The following TENM3 variants were observed in gnomAD, a reference collection of about 807,000 sequenced individuals.
TENM3 encodes teneurin transmembrane protein 3.
TENM3 carries 63 observed loss-of-function variants against 255.1 expected under a neutral mutation model. The ratio of observed to expected loss-of-function variants is 0.25; its 90% CI spans 0.20 to 0.30. The LOEUF is 0.30. Among genes scored for constraint, TENM3 ranks in the 10% least tolerant of loss-of-function variants. The pLI, the probability that TENM3 is intolerant of heterozygous loss-of-function variation, is 1.00. For synonymous variants in TENM3, 1,306 were observed against 1,322.3 expected (o/e 0.99, Z 0.27); for missense variants, 2,929 against 3,461.1 (o/e 0.85, Z 3.86).
At chr4:181,604,134 G>A in the TENM3 span, among the ~76,000 whole-genome samples, 7 of 152,110 alleles carry the variant, frequency 4.6e-5, no homozygotes, top group East Asian at 1.9e-4. Flanking sequence ...GCGTGGTGGC[G>A]GGTGCCTGTA....
At chr4:182,391,751 T>G (rs552170640) in intron 3 of TENM3, among the ~76,000 whole-genome samples, 213 of 152,334 alleles carry the variant, frequency 1.4e-3, no homozygotes, top group Non-Finnish European at 2.5e-3. Flanking sequence ...AAGAAACAAT[T>G]GGCACTGGCC....
At chr4:182,517,834 C>T (rs1485313813) in intron 3 of TENM3, among the ~76,000 whole-genome samples, 3 of 152,184 alleles carry the variant, frequency 2.0e-5, no homozygotes, top group African/African-American at 7.2e-5. Context: ...TGCAAATACT[C>T]ATAGTACACT....
rs990655569 is a variant in TENM3 at position 182,789,549 on chromosome 4, A to G, written c.5601+160A>G. Among the ~76,000 whole-genome samples the G allele has an allele frequency of 6.6e-6, 1 of 152,210 alleles. No individual in the cohort carries two copies. The highest frequency in any genetic ancestry group is 2.4e-5 in the African/African-American group (1 of 41,456). Reference sequence around the variant, plus strand: ...AGTCACATTGGCACAGCAGTGATGAATTTCTGCATTAGCAAAGTAGTTTCT... The same window carrying G: ...AGTCACATTGGCACAGCAGTGATGAGTTTCTGCATTAGCAAAGTAGTTTCT... On this transcript the variant is annotated intron_variant, in intron 25 of 27. Transcript: ENST00000511685. The surrounding 1 kb of genome is among the most constrained non-coding windows in gnomAD (Gnocchi z 4.4).
chr4:182,403,274 A>G (rs1228186403), intron 3 of TENM3, among the ~76,000 whole-genome samples: 3 of 152,240 alleles, frequency 2.0e-5, no homozygotes, highest in Non-Finnish European at 4.4e-5. Context: ...TAGTTCAAAC[A>G]AACAGAGCAT....
chr4:182,537,595 A>C (rs1374079345), intron 3 of TENM3, among the ~76,000 whole-genome samples: 1 of 152,188 alleles, frequency 6.6e-6, no homozygotes, highest in Non-Finnish European at 1.5e-5. Context: ...TTGCATGTAG[A>C]ATGCTCTCCT....
chr4:181,522,955 A>G, the TENM3 span: 2 of 715,174 alleles, frequency 2.8e-6, no homozygotes, highest in African/African-American at 1.8e-5. Context: ...AAGTATGAGA[A>G]GGCTGAGATA....
chr4:181,545,857 T>C, the TENM3 span, among the ~76,000 whole-genome samples: 1 of 122,656 alleles, frequency 8.2e-6, no homozygotes, highest in African/African-American at 3.5e-5. Flanking sequence ...AAGAAAGAAA[T>C]ATATGTTTTC....
At chr4:181,999,498 T>C in the TENM3 span, among the ~76,000 whole-genome samples, 1 of 152,180 alleles carries the variant, frequency 6.6e-6, no homozygotes, top group African/African-American at 2.4e-5. Context: ...ATTATGTGTA[T>C]ACAAAACTTG....
chr4:182,334,370 A>T lies in TENM3; in HGVS notation c.232+10118A>T, dbSNP rs1580194401. The stretch of plus-strand genomic sequence containing the variant: ...AATTCTCCCCAAATTAATGCATAGA[A>T]GTTAAGGATATCAAATAGAATTCCG... On this transcript the variant is annotated intron_variant, in intron 2 of 27. Transcript: ENST00000511685. Among the ~76,000 whole-genome samples, 4 of 152,198 alleles carry T rather than the reference A, an allele frequency of 2.6e-5. No homozygotes were observed. The South Asian group carries it at 8.3e-4, about 31-fold the overall frequency.
chr4:181,719,858 A>C, the TENM3 span, among the ~76,000 whole-genome samples: 1 of 152,196 alleles, frequency 6.6e-6, no homozygotes, highest in East Asian at 1.9e-4. Flanking sequence ...ATGACTCTGT[A>C]AATACCTCTG....
At chr4:182,116,053 C>A in the TENM3 span, among the ~76,000 whole-genome samples, 1 of 152,088 alleles carries the variant, frequency 6.6e-6, no homozygotes. Context: ...CATTATTACC[C>A]AAAGTCCATA....
At chr4:181,696,592 T>G in the TENM3 span, among the ~76,000 whole-genome samples, 1 of 152,234 alleles carries the variant, frequency 6.6e-6, no homozygotes, top group Admixed American at 6.5e-5. Context: ...TTCTAATAAA[T>G]ATCTGACTAG....
At chr4:182,790,906 A>G (rs1414337744) in intron 25 of TENM3, among the ~76,000 whole-genome samples, 1 of 152,194 alleles carries the variant, frequency 6.6e-6, no homozygotes, top group Non-Finnish European at 1.5e-5. Flanking sequence ...GGCAGTGACC[A>G]GGATCACCTG....
At chr4:182,736,167 C>G (rs1434631755) in intron 16 of TENM3, among the ~76,000 whole-genome samples, 1 of 152,198 alleles carries the variant, frequency 6.6e-6, no homozygotes, top group African/African-American at 2.4e-5. Context: ...TACATTACCT[C>G]TCAACATGGA....
chr4:182,559,434 T>C (rs1339854179), intron 3 of TENM3, among the ~76,000 whole-genome samples: 1 of 152,150 alleles, frequency 6.6e-6, no homozygotes, highest in African/African-American at 2.4e-5. Context: ...TACAATGAAA[T>C]AGTAACCACT....
chr4:181,545,198 C>T, the TENM3 span, among the ~76,000 whole-genome samples: 2 of 152,164 alleles, frequency 1.3e-5, no homozygotes, highest in Non-Finnish European at 2.9e-5. Context: ...TTGTTTAATC[C>T]TAGGTTCCTT....
rs186814695 is a variant in TENM3, at chr4:182,580,418, A to G, written c.512-20506A>G. ...TGAAAAAATACCTCTTCATCGCTCT[A>G]TTTTTATTTTTCTTCTTCTTTTATT... On this transcript the variant is annotated intron_variant, in intron 3 of 27. Coordinates refer to ENST00000511685, the MANE Select transcript of TENM3 (RefSeq NM_001080477.4). Among the ~76,000 whole-genome samples, 270 of 151,970 alleles carry G rather than the reference A, an allele frequency of 1.8e-3. 1 individual carries two copies. Among genetic ancestry groups the G allele is most frequent in the African/African-American group, 5.3e-3 (218 of 41,448 alleles).
At chr4:181,657,750 T>C in the TENM3 span, among the ~76,000 whole-genome samples, 11 of 152,104 alleles carry the variant, frequency 7.2e-5, no homozygotes, top group Admixed American at 2.6e-4. Flanking sequence ...AATGGTGAAT[T>C]GGATAAAGAA....
At chr4:181,928,467 G>T in the TENM3 span, among the ~76,000 whole-genome samples, 2 of 151,822 alleles carry the variant, frequency 1.3e-5, no homozygotes, top group African/African-American at 4.8e-5. Context: ...AAAGCAGGAA[G>T]ACAAGATTGG....
Sources: allele counts gnomAD v4.1 joint callset (sites outside exome capture counted in the v4.1 genomes callset), GRCh38; gene constraint gnomAD v4.1.1; non-coding constraint Gnocchi (gnomAD v3.1); transcripts MANE v1.5; gene names NCBI Gene and HGNC (gene_info 2026-07-23, HGNC 2026-07-21).